PITPNM2: variants seen among roughly 807,000 people sequenced by gnomAD.
The protein encoded by PITPNM2 is membrane-associated phosphatidylinositol transfer protein 2.
A neutral mutation model predicts 132.2 loss-of-function variants in PITPNM2; 35 were observed. The ratio of observed to expected loss-of-function variants is 0.26; its 90% CI spans 0.20 to 0.35. The LOEUF (loss-of-function observed/expected upper bound fraction) is 0.35, where lower values mean the gene tolerates loss of function less well. Ranked by LOEUF, PITPNM2 falls within the 10% of genes least tolerant of loss-of-function variation. The pLI is 1.00. For missense variants in PITPNM2, 1,332 were observed against 1,912.0 expected (o/e 0.70, Z 5.66); for synonymous variants, 738 against 799.2 (o/e 0.92, Z 1.29).
rs1336595980 is a variant in PITPNM2, at chr12:123,064,757, A to C, written c.-95-30072T>G. 6.6e-6 allele frequency among the ~76,000 whole-genome samples: 1 copy of C among 152,222 alleles called. No homozygotes were observed. Among genetic ancestry groups the C allele is most frequent in the Non-Finnish European group, 1.5e-5 (1 of 68,038 alleles). ...ACATCACCCTCACCCTGCAAAAAAA[A>C]GCTAGTGGGAAACAAACAACACAAT... is the stretch of plus-strand genomic sequence containing the variant. On this transcript the variant is annotated intron_variant, in intron 2 of 25. Coordinates refer to ENST00000320201, the MANE Select transcript of PITPNM2 (RefSeq NM_020845.3). The surrounding 1 kb of genome is among the most constrained non-coding windows in gnomAD (Gnocchi z 4.0).
intron 2 of PITPNM2, among the ~76,000 whole-genome samples, chr12:123,053,443 C>T (rs1464062239): frequency 6.6e-6 from 1 of 150,508 alleles, no homozygotes; most frequent in African/African-American, 2.4e-5. Flanking sequence ...TAATCTGTTA[C>T]TCTCAAGAGA....
rs2136972464 is a variant in PITPNM2 at position 123,077,901 on chromosome 12, G to GCA, written c.-96+32482_-96+32483dup. 6.6e-6 allele frequency among the ~76,000 whole-genome samples: 1 copy of GCA among 152,280 alleles called. No homozygotes were observed. Among genetic ancestry groups the GCA allele is most frequent in the East Asian group, 1.9e-4 (1 of 5,176 alleles). Reference sequence around the variant, plus strand: ...GGTCGCGCAGCAGCCTCCCATCCCTGCAGAGGTCCGCTGAGCTCCCCATGC... The same window carrying GCA: ...GGTCGCGCAGCAGCCTCCCATCCCTGCACAGAGGTCCGCTGAGCTCCCCATGC... On this transcript the variant is annotated intron_variant, in intron 2 of 25. Coordinates refer to ENST00000320201, the MANE Select transcript of PITPNM2 (RefSeq NM_020845.3). This position sits in a 1 kb window ranked among gnomAD's most constrained non-coding sequence, Gnocchi z 4.8.
chr12:123,127,020 C>A (rs189905330), intron 1 of PITPNM2, among the ~76,000 whole-genome samples: 59 of 152,294 alleles, frequency 3.9e-4, no homozygotes, highest in African/African-American at 1.4e-3. Flanking sequence ...GGGCAAGGGA[C>A]CACAAAGCTA....
chr12:123,042,493 G>A (rs1033404173), intron 2 of PITPNM2, among the ~76,000 whole-genome samples: 2 of 152,146 alleles, frequency 1.3e-5, no homozygotes, highest in African/African-American at 2.4e-5. Context: ...GTTAAGGGGG[G>A]ATGGAATCCA....
At position 122,992,379 on chromosome 12, in the gene PITPNM2, T is replaced by G; in HGVS notation, c.2404+120A>C. 1.3e-6 allele frequency: 1 copy of G among 789,978 alleles called. No homozygotes were observed. The highest frequency in any genetic ancestry group is 1.7e-6 in the Non-Finnish European group (1 of 579,222). 48.9% of individuals were successfully genotyped at this position (789,978 alleles called of 1,614,324 possible). On this transcript the variant is annotated intron_variant, in intron 16 of 25. Transcript: ENST00000320201. This position sits in a 1 kb window ranked among gnomAD's most constrained non-coding sequence, Gnocchi z 6.5. The stretch of plus-strand genomic sequence containing the variant: ...AACAGCTGTCCACCTCCAAGAGGCA[T>G]TCAGCACAAGCTGTCCCTCTCACCT...
intron 2 of PITPNM2, among the ~76,000 whole-genome samples, chr12:123,046,759 C>T (rs1014224056): frequency 6.6e-5 from 10 of 152,032 alleles, no homozygotes; most frequent in African/African-American, 2.4e-4. Context: ...TGTAGCATTG[C>T]GAGAACTTCA....
chr12:123,030,152 C>T (rs2040030458), intron 3 of PITPNM2, among the ~76,000 whole-genome samples: 1 of 151,964 alleles, frequency 6.6e-6, no homozygotes, highest in Non-Finnish European at 1.5e-5. Flanking sequence ...GGCAGAAGGA[C>T]CCTTGAGATA....
chr12:122,996,524 G>GCA lies in PITPNM2; in HGVS notation c.1714_1715dup (p.Tyr573AlafsTer33). On this transcript the variant is annotated frameshift_variant, in exon 13 of 26. Transcript: ENST00000320201. LOFTEE classifies it high-confidence loss of function. Reference sequence around the variant, plus strand: ...TCTCAGACACCGGCTGGTTACTGTAGCACAGGGCATCAAATGCCAGGATGC... The same window carrying GCA: ...TCTCAGACACCGGCTGGTTACTGTAGCACACAGGGCATCAAATGCCAGGATGC... 1 of 1,613,074 alleles carries GCA rather than the reference G, an allele frequency of 6.2e-7. No homozygotes were observed. The highest frequency in any genetic ancestry group is 8.5e-7 in the Non-Finnish European group (1 of 1,180,002).
At chr12:123,001,791 G>T (rs950148522) in intron 8 of PITPNM2, among the ~76,000 whole-genome samples, 5 of 152,164 alleles carry the variant, frequency 3.3e-5, no homozygotes, top group Non-Finnish European at 5.9e-5. Flanking sequence ...AGCACTCTGG[G>T]AGGCTGAGGT....
chr12:123,105,359 T>C (rs2042683272), intron 2 of PITPNM2: 1 of 152,172 alleles, frequency 6.6e-6, no homozygotes, highest in Admixed American at 6.5e-5. Flanking sequence ...ACTCACTAAA[T>C]ACGTGTGGAA....
rs1393965597 is a variant in PITPNM2 at position 123,111,047 on chromosome 12, G to A, written c.-199-559C>T. Among the ~76,000 whole-genome samples the A allele has an allele frequency of 2.0e-5, 3 of 152,218 alleles. No homozygotes were observed. The highest frequency in any genetic ancestry group is 2.9e-5 in the Non-Finnish European group (2 of 68,036). ...GTGATCTGACTACCCAGAGGCCAGAGACAAGCATTCAAAACAAAATGAAAA... is the reference window on the plus strand; with the variant it reads ...GTGATCTGACTACCCAGAGGCCAGAAACAAGCATTCAAAACAAAATGAAAA... On this transcript the variant is annotated intron_variant, in intron 1 of 25. Coordinates refer to ENST00000320201, the MANE Select transcript of PITPNM2 (RefSeq NM_020845.3). This position sits in a 1 kb window ranked among gnomAD's most constrained non-coding sequence, Gnocchi z 4.1.
intron 1 of PITPNM2, among the ~76,000 whole-genome samples, chr12:123,144,471 C>T (rs554827468): frequency 2.6e-5 from 4 of 152,256 alleles, no homozygotes; most frequent in East Asian, 1.9e-4. Context: ...CTCACTCTGT[C>T]GCCAGGCCAG....
At chr12:123,139,843 T>C (rs2043465762) in intron 1 of PITPNM2, among the ~76,000 whole-genome samples, 1 of 152,230 alleles carries the variant, frequency 6.6e-6, no homozygotes, top group Non-Finnish European at 1.5e-5. Flanking sequence ...AGAGGCCAAG[T>C]AGTCCACTTC....
At chr12:123,110,031 T>G (rs1189140744) in intron 2 of PITPNM2, among the ~76,000 whole-genome samples, 2 of 152,166 alleles carry the variant, frequency 1.3e-5, no homozygotes. Flanking sequence ...GACCATGGCT[T>G]ACTGCAGCCT....
intron 1 of PITPNM2, among the ~76,000 whole-genome samples, chr12:123,146,632 T>TA (rs966817107): frequency 3.5e-4 from 50 of 142,108 alleles, no homozygotes; most frequent in South Asian, 8.9e-4. Flanking sequence ...AATAAAAGTT[T>TA]AAAAAAAAAA....
intron 11 of PITPNM2, 86 bp downstream of exon 11, chr12:122,997,239 T>G: frequency 6.3e-7 from 1 of 1,578,376 alleles, no homozygotes; most frequent in Non-Finnish European, 8.6e-7. Context: ...GCAGGAGTCC[T>G]GAAACTGGGG....
At chr12:123,012,109 T>C (rs945646440) in intron 5 of PITPNM2, among the ~76,000 whole-genome samples, 1 of 152,240 alleles carries the variant, frequency 6.6e-6, no homozygotes, top group Non-Finnish European at 1.5e-5. Context: ...TTTACAAAGA[T>C]TTTTAATTGG....
intron 1 of PITPNM2, among the ~76,000 whole-genome samples, chr12:123,118,394 G>A (rs1593025406): frequency 6.6e-6 from 1 of 152,144 alleles, no homozygotes; most frequent in African/African-American, 2.4e-5. Context: ...AACATGAGAT[G>A]AGCAAAGAAA....
chr12:122,997,425 T>C lies in PITPNM2; in HGVS notation c.1372A>G (p.Thr458Ala), dbSNP rs1478724669. 6.2e-7 allele frequency: 1 copy of C among 1,613,552 alleles called. No individual in the cohort carries two copies. Among genetic ancestry groups the C allele is most frequent in the Non-Finnish European group, 8.5e-7 (1 of 1,180,002 alleles). ...CTGGGGTAGTGCACGCGCATGACGG[T>C]GTCGAACACGTTGGCGATGGTGTTA... ...DANTIANVFD[T>A]VMRVHYPSAL... is the part of the protein sequence containing the mutation. Residue 458 changes from threonine (T) to alanine (A), a missense_variant, in exon 11 of 26, where the codon ACC (threonine) becomes GCC (alanine). Coordinates refer to ENST00000320201, the MANE Select transcript of PITPNM2 (RefSeq NM_020845.3).
Sources: gnomAD v4.1 joint callset for allele counts (sites outside exome capture counted in the v4.1 genomes callset) on GRCh38, gnomAD v4.1.1 for gene constraint, Gnocchi (gnomAD v3.1) non-coding constraint, MANE v1.5 for transcripts, NCBI Gene and HGNC (gene_info 2026-07-23, HGNC 2026-07-21) for gene names.